DPYSL5: variants seen among roughly 807,000 people sequenced by gnomAD.
The protein encoded by DPYSL5 is dihydropyrimidinase like 5.
DPYSL5 carries 9 observed loss-of-function variants against 58.4 expected under a neutral mutation model. The ratio of observed to expected loss-of-function variants is 0.15; its 90% confidence interval spans 0.09 to 0.27. The LOEUF (loss-of-function observed/expected upper bound fraction) is 0.27. Ranked by LOEUF, DPYSL5 falls within the 10% of genes least tolerant of loss-of-function variation. The pLI, the probability that DPYSL5 is intolerant of heterozygous loss-of-function variation, is 1.00. For missense variants in DPYSL5, 499 were observed against 770.6 expected (o/e 0.65, Z 4.17); for synonymous variants, 293 against 301.9 (o/e 0.97, Z 0.31).
chr2:26,856,824 A>G (rs972015840), intron 1 of DPYSL5, among the ~76,000 whole-genome samples: 1 of 150,936 alleles, frequency 6.6e-6, no homozygotes, highest in South Asian at 2.1e-4. Flanking sequence ...CTTATTCTTC[A>G]GCAAAAAGTA....
At position 26,933,316 on chromosome 2, in the gene DPYSL5, C is replaced by G. The variant is rs750743114; in HGVS notation, c.773C>G (p.Ala258Gly). The stretch of plus-strand genomic sequence containing the variant: ...AGTATCTCGGCTGGTGACGTTATCG[C>G]AGCTGCTAAGATGCAAGGTGAGTCC... The part of the protein sequence containing the change: ...VSSISAGDVI[A>G]AAKMQGKVVL... Residue 258 changes from alanine to glycine, a missense_variant, in exon 7 of 13, where the codon GCA becomes GGA. Around this residue, in one of 3 missense-constraint regions of DPYSL5, gnomAD observed 404 missense variants for 647.6 expected, o/e 0.62. Transcript: ENST00000288699. The surrounding 1 kb of genome is among the most constrained non-coding windows in gnomAD (Gnocchi z 4.2). 6.2e-7 allele frequency: 1 copy of G among 1,614,112 alleles called. No homozygotes were observed. Among genetic ancestry groups the G allele is most frequent in the Non-Finnish European group, 8.5e-7 (1 of 1,179,986 alleles).
rs570179984 is a variant in DPYSL5 at position 26,949,104 on chromosome 2, A to G, written c.*2109A>G. The G allele has an allele frequency of 3.9e-5, 6 of 152,308 alleles. No individual in the cohort carries two copies. The South Asian group carries it at 8.3e-4, about 21-fold the overall frequency. 9.4% of individuals were successfully genotyped at this position (152,308 alleles called of 1,614,324 possible). A position where few individuals can be genotyped will look rare whatever the true frequency, so the allele number is the denominator to read the frequency against. On this transcript the variant is annotated 3_prime_UTR_variant, in exon 13 of 13. Coordinates refer to ENST00000288699, the MANE Select transcript of DPYSL5 (RefSeq NM_020134.4). ...CTGTGGAGAGGAGGTCTGGGGTGACATCTATTGTAGATCCCACCTGAGAGT... is the reference window on the plus strand; with the variant it reads ...CTGTGGAGAGGAGGTCTGGGGTGACGTCTATTGTAGATCCCACCTGAGAGT...
intron 1 of DPYSL5, among the ~76,000 whole-genome samples, chr2:26,895,832 G>T (rs1172150370): frequency 3.6e-5 from 5 of 140,840 alleles, no homozygotes; most frequent in Non-Finnish European, 6.0e-5. Flanking sequence ...CCAGGCTGAA[G>T]GGCAGTGGCA....
In DPYSL5 at chr2:26,852,171, T is replaced by C. The variant is rs372693844; in HGVS notation, c.-5+3917T>C. On this transcript the variant is annotated intron_variant, in intron 1 of 12. Transcript: ENST00000288699. ...TAAGACTTAATTCACAGGAATCCTG[T>C]AGAACAAGATATCTTTGTCAACATG... 2.6e-5 allele frequency among the ~76,000 whole-genome samples: 4 copies of C among 152,352 alleles called. No individual in the cohort carries two copies. The East Asian group carries it at 5.8e-4, about 22-fold the overall frequency.
Position 26,946,951 on chromosome 2 carries a change from C to T in DPYSL5, c.1651C>T (p.Arg551Trp). 4 of 1,614,142 alleles carry T rather than the reference C, an allele frequency of 2.5e-6. No homozygotes were observed. Among genetic ancestry groups the T allele is most frequent in the Non-Finnish European group, 3.4e-6 (4 of 1,179,976 alleles). ...DDHVPKRASA[R>W]ILAPPGGRSS... ...CCATGTTCCAAAGCGAGCTTCAGCTCGGATCCTCGCTCCTCCCGGAGGCAG... is the reference window on the plus strand; with the variant it reads ...CCATGTTCCAAAGCGAGCTTCAGCTTGGATCCTCGCTCCTCCCGGAGGCAG... The change falls in exon 13 of 13, where the codon CGG (arginine) becomes TGG (tryptophan). Residue 551 changes from arginine to tryptophan, a missense_variant. Physicochemically the swap from Arg to Trp is moderately radical, Grantham distance 101 (BLOSUM62 -3). This residue lies in a region of DPYSL5 where 33 missense variants were observed against 63.8 expected (regional missense o/e 0.52). Transcript: ENST00000288699.
At chr2:26,935,319 A>G (rs1286269951) in intron 8 of DPYSL5, among the ~76,000 whole-genome samples, 1 of 152,140 alleles carries the variant, frequency 6.6e-6, no homozygotes, top group Non-Finnish European at 1.5e-5. Context: ...AACGGTCTGA[A>G]TTCAGTGGGA....
intron 1 of DPYSL5, among the ~76,000 whole-genome samples, chr2:26,871,688 G>T (rs182875496): frequency 2.0e-5 from 3 of 152,024 alleles, no homozygotes; most frequent in Non-Finnish European, 4.4e-5. Context: ...TGATCCACCC[G>T]CCTCGGCCTT....
In DPYSL5 at chr2:26,924,009, C is replaced by A. The variant is rs971770818; in HGVS notation, c.262-878C>A. ...GTTTTGTTTGGGAACAACACATTAG[C>A]CTGAAATAGCCTTTGATCGATGCTA... On this transcript the variant is annotated intron_variant, in intron 2 of 12. Transcript: ENST00000288699. This position sits in a 1 kb window ranked among gnomAD's most constrained non-coding sequence, Gnocchi z 4.7. Among the ~76,000 whole-genome samples the A allele has an allele frequency of 6.6e-6, 1 of 152,154 alleles. No homozygotes were observed. The highest frequency in any genetic ancestry group is 2.4e-5 in the African/African-American group (1 of 41,422).
At chr2:26,861,726 C>T (rs1666022731) in intron 1 of DPYSL5, among the ~76,000 whole-genome samples, 1 of 152,164 alleles carries the variant, frequency 6.6e-6, no homozygotes, top group African/African-American at 2.4e-5. Context: ...GACGTGAAGA[C>T]AGATTCATGC....
intron 2 of DPYSL5, among the ~76,000 whole-genome samples, chr2:26,902,814 C>T (rs540551549): frequency 1.8e-4 from 27 of 152,256 alleles, no homozygotes; most frequent in African/African-American, 6.5e-4. Context: ...CCGGCCAGGT[C>T]CCACCAAAAC....
In DPYSL5 at chr2:26,934,549, G is replaced by A. The variant is rs754637675; in HGVS notation, c.791-29G>A. On this transcript the variant is annotated intron_variant, in intron 7 of 12. Coordinates refer to ENST00000288699, the MANE Select transcript of DPYSL5 (RefSeq NM_020134.4). The surrounding 1 kb of genome is among the most constrained non-coding windows in gnomAD (Gnocchi z 4.3). Reference sequence around the variant, plus strand: ...GATCGCTCAGGTTCGGTGGCTTCCTGGTTATGGTTCTGACCTTTCTTCTTC... The same window carrying A: ...GATCGCTCAGGTTCGGTGGCTTCCTAGTTATGGTTCTGACCTTTCTTCTTC... The A allele has an allele frequency of 1.2e-6, 2 of 1,603,754 alleles. No individual in the cohort carries two copies. The highest frequency in any genetic ancestry group is 2.2e-5 in the South Asian group (2 of 90,672).
chr2:26,932,203 G>GAAAGA (rs1553321159), intron 6 of DPYSL5, among the ~76,000 whole-genome samples: 10 of 60,936 alleles, frequency 1.6e-4, no homozygotes, highest in African/African-American at 4.0e-4. Context: ...AAGAAAGAAA[G>GAAAGA]AAAGAAAAGA....
At chr2:26,878,589 C>T (rs1663470727) in intron 1 of DPYSL5, among the ~76,000 whole-genome samples, 1 of 152,150 alleles carries the variant, frequency 6.6e-6, no homozygotes, top group Non-Finnish European at 1.5e-5. Context: ...ACATATCCTT[C>T]TATGTTTTTT....
chr2:26,851,880 G>A (rs894001458), intron 1 of DPYSL5, among the ~76,000 whole-genome samples: 1 of 152,104 alleles, frequency 6.6e-6, no homozygotes, highest in Non-Finnish European at 1.5e-5. Context: ...CTGGGAGGCC[G>A]AGGTTGCAGT....
chr2:26,931,590 T>C (rs773944952), intron 5 of DPYSL5, 50 bp from the exon 6 acceptor site: 32 of 1,610,146 alleles, frequency 2.0e-5, no homozygotes, highest in Non-Finnish European at 2.5e-5. Flanking sequence ...GTGGGTATCC[T>C]TGGAGGAGAT....
intron 12 of DPYSL5, among the ~76,000 whole-genome samples, chr2:26,946,370 C>A (rs560409059): frequency 1.3e-5 from 2 of 152,154 alleles, no homozygotes; most frequent in African/African-American, 4.8e-5. Context: ...CTCTCCGGGG[C>A]ACTAGACCCT....
rs1249079417 is a variant in DPYSL5 at position 26,944,891 on chromosome 2, A to G, written c.1609+67A>G. The G allele has an allele frequency of 1.3e-6, 2 of 1,485,026 alleles. No individual in the cohort carries two copies. Among genetic ancestry groups the G allele is most frequent in the African/African-American group, 2.8e-5 (2 of 71,748 alleles). 92.0% of individuals were successfully genotyped at this position (1,485,026 alleles called of 1,614,324 possible). ...AGAAGTGGCCCACCTAGGCAGTGGG[A>G]CTTACGCCTGCTTTTCTTTTGTGTC... On this transcript the variant is annotated intron_variant, in intron 12 of 12. Transcript: ENST00000288699. The surrounding 1 kb of genome is among the most constrained non-coding windows in gnomAD (Gnocchi z 4.4).
At chr2:26,932,006 C>CA (rs70953833) in intron 6 of DPYSL5, among the ~76,000 whole-genome samples, 1 of 42,566 alleles carries the variant, frequency 2.3e-5, no homozygotes. Flanking sequence ...GAGACTCTGT[C>CA]AAAAAAAAAA....
chr2:26,862,515 G>A (rs990963101), intron 1 of DPYSL5, among the ~76,000 whole-genome samples: 2 of 152,184 alleles, frequency 1.3e-5, no homozygotes, highest in African/African-American at 2.4e-5. Context: ...GGTCCCCCAA[G>A]CTATGATAAT....
Sources: gnomAD v4.1 joint callset for allele counts (sites outside exome capture counted in the v4.1 genomes callset) on GRCh38, gnomAD v4.1.1 for gene constraint, gnomAD v4.1.1 regional missense constraint, Gnocchi (gnomAD v3.1) non-coding constraint, MANE v1.5 for transcripts, NCBI Gene and HGNC (gene_info 2026-07-23, HGNC 2026-07-21) for gene names.